Variants in CCDC178 observed in about 807,000 individuals in gnomAD.
CCDC178 encodes coiled-coil domain-containing protein 178.
A neutral mutation model predicts 117.4 loss-of-function variants in CCDC178; 126 were observed. The observed-to-expected ratio is 1.07, with a 90% CI of 0.93 to 1.24. The LOEUF (loss-of-function observed/expected upper bound fraction) is 1.24. Among genes scored for constraint, CCDC178 ranks in the 50% most tolerant of loss-of-function variants. The pLI is 0.00. For synonymous variants in CCDC178, 283 were observed against 313.4 expected (o/e 0.90, Z 1.02); for missense variants, 1,030 against 986.9 (o/e 1.04, Z -0.59).
chr18:33,434,156 T>C (rs2064258318), intron 2 of CCDC178, among the ~76,000 whole-genome samples: 1 of 152,070 alleles, frequency 6.6e-6, no homozygotes, highest in Non-Finnish European at 1.5e-5. Flanking sequence ...GAAACAGGTT[T>C]TGTTGCTGCA....
At chr18:33,248,324 C>T (rs1370678870) in intron 14 of CCDC178, among the ~76,000 whole-genome samples, 1 of 151,592 alleles carries the variant, frequency 6.6e-6, no homozygotes, top group African/African-American at 2.4e-5. Context: ...GCACAATGTG[C>T]AGGTTTGTTA....
At chr18:33,041,773 GA>G (rs1203000536) in intron 21 of CCDC178, among the ~76,000 whole-genome samples, 4 of 151,620 alleles carry the variant, frequency 2.6e-5, no homozygotes, top group African/African-American at 9.7e-5. Context: ...TTGAAGAATT[GA>G]TTGGAAAGGT....
At chr18:33,225,063 TA>T (rs1202978173) in intron 16 of CCDC178, 127 bp from the exon 17 acceptor site, 2 of 452,562 alleles carry the variant, frequency 4.4e-6, no homozygotes, top group African/African-American at 2.0e-5. Flanking sequence ...AATGTCACCA[TA>T]AAAAATGGAT....
intron 21 of CCDC178, among the ~76,000 whole-genome samples, chr18:33,001,740 A>C (rs953455525): frequency 2.0e-5 from 3 of 152,108 alleles, no homozygotes; most frequent in African/African-American, 7.2e-5. Flanking sequence ...AGATTGTATG[A>C]ATGGATTAAA....
intron 21 of CCDC178, chr18:32,983,149 A>C (rs1011307907): frequency 1.4e-5 from 7 of 515,230 alleles, no homozygotes; most frequent in African/African-American, 1.4e-4. Context: ...AAAAAAAAAA[A>C]AACCACTTCT....
At chr18:33,011,242 T>TAA (rs1385863923) in intron 21 of CCDC178, among the ~76,000 whole-genome samples, 2 of 152,130 alleles carry the variant, frequency 1.3e-5, no homozygotes, top group Non-Finnish European at 2.9e-5. Context: ...TCAAATGTGG[T>TAA]AAAACAGCCA....
intron 11 of CCDC178, among the ~76,000 whole-genome samples, chr18:33,302,296 TC>T (rs2062186936): frequency 6.6e-6 from 1 of 152,318 alleles, no homozygotes; most frequent in Non-Finnish European, 1.5e-5. Context: ...AAACTTATTT[TC>T]TTTATAAATT....
chr18:33,125,223 A>C (rs999520136), intron 20 of CCDC178, among the ~76,000 whole-genome samples: 7 of 152,178 alleles, frequency 4.6e-5, no homozygotes, highest in African/African-American at 1.7e-4. Context: ...TGCACTTCAG[A>C]CTAGAACAAA....
chr18:33,112,871 G>C (rs1598895510), intron 20 of CCDC178, among the ~76,000 whole-genome samples: 1 of 151,986 alleles, frequency 6.6e-6, no homozygotes, highest in East Asian at 1.9e-4. Context: ...GGGAAAACAG[G>C]AAAATCAAAA....
At chr18:33,317,542 CT>C (rs1474107848) in intron 11 of CCDC178, among the ~76,000 whole-genome samples, 1 of 152,150 alleles carries the variant, frequency 6.6e-6, no homozygotes, top group African/African-American at 2.4e-5. Context: ...AATAAACTTG[CT>C]TTTGCCTTGC....
intron 20 of CCDC178, among the ~76,000 whole-genome samples, chr18:33,117,604 G>A (rs928219365): frequency 3.3e-5 from 5 of 151,988 alleles, no homozygotes; most frequent in African/African-American, 1.2e-4. Context: ...GATAGCATTA[G>A]GAGATATACC....
intron 6 of CCDC178, among the ~76,000 whole-genome samples, chr18:33,368,749 T>C (rs922099935): frequency 6.6e-6 from 1 of 151,896 alleles, no homozygotes; most frequent in African/African-American, 2.4e-5. Flanking sequence ...GGTATAACAA[T>C]AACCATTCAA....
chr18:33,403,659 C>G (rs1379875861), intron 3 of CCDC178, among the ~76,000 whole-genome samples: 1 of 152,184 alleles, frequency 6.6e-6, no homozygotes, highest in Admixed American at 6.5e-5. Flanking sequence ...AACAATTTTT[C>G]TTAGGTCCAT....
chr18:32,957,585 G>A (rs2144648867), intron 22 of CCDC178, among the ~76,000 whole-genome samples: 1 of 152,226 alleles, frequency 6.6e-6, no homozygotes, highest in Admixed American at 6.5e-5. Flanking sequence ...ATTTTAGCCT[G>A]TTTACTTAAT....
intron 6 of CCDC178, among the ~76,000 whole-genome samples, chr18:33,361,978 C>A (rs1009880595): frequency 6.6e-6 from 1 of 151,544 alleles, no homozygotes. Flanking sequence ...ATGAAAGCAC[C>A]AGCTCGTAAA....
At chr18:33,252,605 G>T (rs1463162105) in intron 14 of CCDC178, among the ~76,000 whole-genome samples, 3 of 151,694 alleles carry the variant, frequency 2.0e-5, no homozygotes, top group Non-Finnish European at 4.4e-5. Flanking sequence ...ATAGCTAAAT[G>T]GGTATGAAAA....
intron 2 of CCDC178, among the ~76,000 whole-genome samples, chr18:33,422,681 G>A (rs2064043613): frequency 6.6e-6 from 1 of 152,028 alleles, no homozygotes; most frequent in African/African-American, 2.4e-5. Context: ...GTGGCTATTG[G>A]CTACCATACT....
At position 33,333,184 on chromosome 18, in the gene CCDC178, T is replaced by C. The variant is rs1244710567; in HGVS notation, c.869A>G (p.Lys290Arg). The change falls in exon 10 of 23, where the codon AAA becomes AGA. Residue 290 changes from lysine to arginine, a missense_variant. Lys to Arg is a conservative substitution (Grantham distance 26). Coordinates refer to ENST00000383096, the MANE Select transcript of CCDC178 (RefSeq NM_001105528.4). ...ELQDLKNHYKKKMEVMDLHRK... is the reference protein window; with the variant it reads ...ELQDLKNHYKRKMEVMDLHRK... ...CATTCGTTTATTTACCTCCATTTTT[T>C]TTTTATAATGGTTCTTCAGATCTTG... 1 of 1,587,100 alleles carries C rather than the reference T, an allele frequency of 6.3e-7. No individual in the cohort carries two copies.
chr18:32,989,273 G>T (rs2055338224), intron 21 of CCDC178, among the ~76,000 whole-genome samples: 1 of 152,256 alleles, frequency 6.6e-6, no homozygotes, highest in East Asian at 1.9e-4. Flanking sequence ...TCATGGCCAG[G>T]TGATATTTAT....
Sources: gnomAD v4.1 joint callset for allele counts (sites outside exome capture counted in the v4.1 genomes callset) on GRCh38, gnomAD v4.1.1 for gene constraint, MANE v1.5 for transcripts, NCBI Gene and HGNC (gene_info 2026-07-23, HGNC 2026-07-21) for gene names.